The following NELL1 variants were observed in gnomAD, a reference collection of about 807,000 sequenced individuals.
The protein encoded by NELL1 is protein kinase C-binding protein NELL1.
Under a neutral mutation model 107.4 loss-of-function variants are expected in NELL1, and 76 were observed. That is an observed-to-expected ratio of 0.71 (90% CI 0.59 to 0.86). The LOEUF (loss-of-function observed/expected upper bound fraction) is 0.86. NELL1 is among the 40% of genes least tolerant of loss of function. NELL1 has a pLI of 0.00. For missense variants in NELL1, 1,024 were observed against 1,005.5 expected, an observed-to-expected ratio of 1.02 and a Z score of -0.25; for synonymous variants, 353 against 341.2, an observed-to-expected ratio of 1.03 and a Z score of -0.38.
chr11:20,873,474 C>T (rs1296406301), intron 4 of NELL1, among the ~76,000 whole-genome samples: 1 of 152,212 alleles, frequency 6.6e-6, no homozygotes, highest in Non-Finnish European at 1.5e-5. Flanking sequence ...AGGCATTGAT[C>T]TCACCTAAAA....
chr11:21,107,593 G>C (rs1413621402), intron 12 of NELL1, among the ~76,000 whole-genome samples: 2 of 152,142 alleles, frequency 1.3e-5, no homozygotes, highest in Non-Finnish European at 2.9e-5. Flanking sequence ...TCAAGAAATA[G>C]TGTGGGGGCT....
intron 13 of NELL1, among the ~76,000 whole-genome samples, chr11:21,121,526 G>T (rs1855367716): frequency 6.6e-6 from 1 of 152,116 alleles, no homozygotes; most frequent in Non-Finnish European, 1.5e-5. Context: ...ATGGGCTGAG[G>T]ATTAGGCAGC....
intron 12 of NELL1, among the ~76,000 whole-genome samples, chr11:21,068,454 C>T (rs778142723): frequency 2.9e-4 from 44 of 152,064 alleles, no homozygotes; most frequent in Non-Finnish European, 2.1e-4. Context: ...AGATAAACAA[C>T]GGATAATTCT....
At chr11:21,353,579 G>A (rs1850864686) in intron 14 of NELL1, among the ~76,000 whole-genome samples, 1 of 152,138 alleles carries the variant, frequency 6.6e-6, no homozygotes. Flanking sequence ...ATGAGATATA[G>A]CTAAACATCT....
intron 15 of NELL1, among the ~76,000 whole-genome samples, chr11:21,437,958 G>A (rs1048134192): frequency 6.6e-6 from 1 of 152,128 alleles, no homozygotes; most frequent in African/African-American, 2.4e-5. Context: ...GAAGTGTTTT[G>A]TGTATGTTTT....
chr11:21,019,298 A>G (rs1250411933), intron 12 of NELL1, among the ~76,000 whole-genome samples: 1 of 152,110 alleles, frequency 6.6e-6, no homozygotes, highest in Non-Finnish European at 1.5e-5. Flanking sequence ...ACATAGGAAC[A>G]TTGGATCCCA....
chr11:21,271,925 A>C (rs1848747560), intron 14 of NELL1, among the ~76,000 whole-genome samples: 1 of 152,228 alleles, frequency 6.6e-6, no homozygotes, highest in Non-Finnish European at 1.5e-5. Context: ...GACAGTGTGG[A>C]GCCAAGATGG....
At position 21,370,917 on chromosome 11, in the gene NELL1, A is replaced by G. The variant is rs8176792; in HGVS notation, c.1614A>G (p.Pro538=). The change falls in exon 15 of 20, where the codon CCA becomes CCG. Residue 538 remains proline (P), a synonymous_variant. Transcript: ENST00000357134. ...TGGCTCCCAACAAATGTGTCTGTCC[A>G]TCTGGATTCACAGGAAGCCACTGCG... ...TCVAPNKCVC[P]SGFTGSHCEK... is the part of the protein sequence containing the mutation. The G allele has an allele frequency of 1.3e-3, 2,150 of 1,611,502 alleles. 1 individual carries two copies. The highest frequency in any genetic ancestry group is 1.3e-3 in the Non-Finnish European group (1,567 of 1,178,804).
chr11:21,329,666 T>C (rs1169363988), intron 14 of NELL1, among the ~76,000 whole-genome samples: 1 of 152,152 alleles, frequency 6.6e-6, no homozygotes, highest in African/African-American at 2.4e-5. Flanking sequence ...GTACACTGTA[T>C]ACTTTGGCAT....
At chr11:21,506,419 G>C (rs1485402459) in intron 15 of NELL1, among the ~76,000 whole-genome samples, 2 of 152,102 alleles carry the variant, frequency 1.3e-5, no homozygotes, top group African/African-American at 4.8e-5. Flanking sequence ...GGTCCCAAAG[G>C]CACTTAAGAA....
chr11:21,299,545 GTGTGTGTGTGTGTGTGTGTT>G (rs1849449192), intron 14 of NELL1, among the ~76,000 whole-genome samples: 1 of 111,820 alleles, frequency 8.9e-6, no homozygotes, highest in East Asian at 2.5e-4. Context: ...GTGTGTGTGT[GTGTGTGTGTGTGTGTGTGTT>G]TATTTTTTGG....
rs563093471 is a variant in NELL1, at chr11:20,771,599, C to T, written c.185-12081C>T. Among the ~76,000 whole-genome samples the T allele has an allele frequency of 2.0e-5, 3 of 152,186 alleles. No individual in the cohort carries two copies. The South Asian group carries it at 6.2e-4, about 32-fold the overall frequency. ...TAGAAAAGTCATATGATTAAGATAC[C>T]CCAAGATACCTCTAAGTTCTAAAGA... On this transcript the variant is annotated intron_variant, in intron 2 of 19. Transcript: ENST00000357134.
intron 2 of NELL1, among the ~76,000 whole-genome samples, chr11:20,763,182 G>T (rs529638210): frequency 5.3e-4 from 80 of 152,034 alleles, no homozygotes; most frequent in Non-Finnish European, 8.5e-4. Flanking sequence ...ATTTACTCAG[G>T]GTTTATCTTT....
chr11:21,043,791 T>A (rs191599171), intron 12 of NELL1, among the ~76,000 whole-genome samples: 23 of 152,266 alleles, frequency 1.5e-4, no homozygotes, highest in South Asian at 1.0e-3. Context: ...GTTTCTGAAT[T>A]GAATATAGTA....
chr11:21,538,280 T>A (rs1217489463), intron 16 of NELL1, among the ~76,000 whole-genome samples: 2 of 152,156 alleles, frequency 1.3e-5, no homozygotes, highest in Non-Finnish European at 2.9e-5. Context: ...GCACCTTCAC[T>A]ACTGATTTTA....
intron 12 of NELL1, among the ~76,000 whole-genome samples, chr11:21,022,938 G>C (rs1255263934): frequency 1.3e-5 from 2 of 151,998 alleles, no homozygotes; most frequent in East Asian, 3.9e-4. Context: ...GGACCCTAGG[G>C]GCTGTGATAG....
chr11:20,674,715 T>G, intron 1 of NELL1: 1 of 625,554 alleles, frequency 1.6e-6, no homozygotes, highest in South Asian at 1.9e-5. Flanking sequence ...CAATACTTTC[T>G]GGATTGAGGG....
chr11:20,975,958 A>ATATATGTACATATATGTACAT (rs1851617759), intron 12 of NELL1, among the ~76,000 whole-genome samples: 1 of 102,668 alleles, frequency 9.7e-6, no homozygotes, highest in African/African-American at 3.5e-5. Context: ...TATGTACATT[A>ATATATGTACATATATGTACAT]TATATACATT....
rs183506426 is a variant in NELL1, at chr11:20,694,518, A to G, written c.184+16458A>G. Among the ~76,000 whole-genome samples, 679 of 152,244 alleles carry G rather than the reference A, an allele frequency of 4.5e-3. 3 individuals are homozygous for G. The highest frequency in any genetic ancestry group is 0.016 in the African/African-American group (652 of 41,560). On this transcript the variant is annotated intron_variant, in intron 2 of 19. Transcript: ENST00000357134. ...GTTATCCCAGCACCATTTATTGAAT[A>G]GGGGGTCCTTTCCCCATCACTTATC...
Sources: gnomAD v4.1 joint callset for allele counts (sites outside exome capture counted in the v4.1 genomes callset) on GRCh38, gnomAD v4.1.1 for gene constraint, MANE v1.5 for transcripts, NCBI Gene and HGNC (gene_info 2026-07-23, HGNC 2026-07-21) for gene names.